ERBB4: variants seen among roughly 807,000 people sequenced by gnomAD.
ERBB4 encodes the protein erb-b2 receptor tyrosine kinase 4.
Under a neutral mutation model 158.0 loss-of-function variants are expected in ERBB4, and 42 were observed. That is an observed-to-expected ratio of 0.27 (90% CI 0.21 to 0.34). The LOEUF is 0.34. Among genes scored for constraint, ERBB4 ranks in the 10% least tolerant of loss-of-function variants. The probability of loss-of-function intolerance (pLI) is 1.00; values close to 1 mark genes in which losing one functional copy is unlikely to be tolerated. For missense variants in ERBB4, 1,333 were observed against 1,624.1 expected, an observed-to-expected ratio of 0.82 and a Z score of 3.08; for synonymous variants, 583 against 558.7, an observed-to-expected ratio of 1.04 and a Z score of -0.61.
intron 17 of ERBB4, among the ~76,000 whole-genome samples, chr2:211,626,519 A>G (rs1223523880): frequency 6.6e-6 from 1 of 152,226 alleles, no homozygotes; most frequent in Non-Finnish European, 1.5e-5. Context: ...GTAGAAAATC[A>G]TATTTTCTTT....
chr2:212,051,947 C>T (rs1248797736), intron 2 of ERBB4, among the ~76,000 whole-genome samples: 1 of 152,040 alleles, frequency 6.6e-6, no homozygotes, highest in East Asian at 1.9e-4. Context: ...TAATTTGTGG[C>T]CTCAGTTTTT....
intron 20 of ERBB4, among the ~76,000 whole-genome samples, chr2:211,515,060 G>A (rs1418453976): frequency 6.6e-6 from 1 of 152,124 alleles, no homozygotes; most frequent in East Asian, 1.9e-4. Context: ...TAGCAGGTTA[G>A]CCTCAACTGA....
At chr2:212,444,694 T>C (rs1574930254) in intron 1 of ERBB4, among the ~76,000 whole-genome samples, 2 of 151,976 alleles carry the variant, frequency 1.3e-5, no homozygotes, top group South Asian at 4.2e-4. Flanking sequence ...GGGATGGAGG[T>C]TATGCATGGG....
rs149158780 is a variant in ERBB4 at position 212,158,055 on chromosome 2, G to T, written c.83-33152C>A. Reference sequence around the variant, plus strand: ...AATAGTGATAATAAAAGTAATATTTGCCGAACACTTACTGAGTCTGGTCCC... The same window carrying T: ...AATAGTGATAATAAAAGTAATATTTTCCGAACACTTACTGAGTCTGGTCCC... On this transcript the variant is annotated intron_variant, in intron 1 of 27. Transcript: ENST00000342788. Among the ~76,000 whole-genome samples the T allele has an allele frequency of 6.3e-3, 959 of 152,122 alleles. 3 individuals carry two copies. Among genetic ancestry groups the T allele is most frequent in the Middle Eastern group, 0.014 (4 of 294 alleles).
At chr2:211,987,267 G>A (rs1035938972) in intron 2 of ERBB4, among the ~76,000 whole-genome samples, 2 of 142,472 alleles carry the variant, frequency 1.4e-5, no homozygotes, top group Non-Finnish European at 3.0e-5. Flanking sequence ...GTTGCAGTGA[G>A]CCGAGATCGT....
intron 1 of ERBB4, among the ~76,000 whole-genome samples, chr2:212,211,497 A>C (rs1348125376): frequency 6.6e-6 from 1 of 152,058 alleles, no homozygotes; most frequent in Non-Finnish European, 1.5e-5. Flanking sequence ...TGTAGTCTAC[A>C]CTTTCTAATA....
intron 4 of ERBB4, among the ~76,000 whole-genome samples, chr2:211,758,146 C>G (rs1053966961): frequency 3.3e-5 from 5 of 152,148 alleles, no homozygotes; most frequent in Admixed American, 3.3e-4. Flanking sequence ...TAACCTAATA[C>G]ATATTATGCC....
chr2:212,031,449 T>C (rs968792492), intron 2 of ERBB4, among the ~76,000 whole-genome samples: 3 of 152,148 alleles, frequency 2.0e-5, no homozygotes, highest in Non-Finnish European at 4.4e-5. Flanking sequence ...GTTATTTGTT[T>C]AATACACTTA....
intron 2 of ERBB4, among the ~76,000 whole-genome samples, chr2:211,997,909 T>TACACA (rs35510591): frequency 0.018 from 2,646 of 150,552 alleles, 31 homozygotes; most frequent in Middle Eastern, 0.048. Flanking sequence ...CACACACACA[T>TACACA]CACACACACA....
chr2:212,092,827 G>T (rs2078820302), intron 2 of ERBB4, among the ~76,000 whole-genome samples: 1 of 152,152 alleles, frequency 6.6e-6, no homozygotes, highest in East Asian at 1.9e-4. Flanking sequence ...GGGGCTAGGG[G>T]AGGGATAGCA....
chr2:212,277,341 A>G (rs536499441), intron 1 of ERBB4, among the ~76,000 whole-genome samples: 3 of 151,868 alleles, frequency 2.0e-5, no homozygotes, highest in African/African-American at 7.2e-5. Flanking sequence ...TAGTTCATTC[A>G]TTTAATATTT....
At position 211,767,669 on chromosome 2, in the gene ERBB4, G is replaced by T. The variant is rs554571288; in HGVS notation, c.557-16965C>A. On this transcript the variant is annotated intron_variant, in intron 4 of 27. Coordinates refer to ENST00000342788, the MANE Select transcript of ERBB4 (RefSeq NM_005235.3). ...GATAAGAATGAGCAGAAGGAGAAAA[G>T]CCCCTTATAAAACCATCAGATCTTG... Among the ~76,000 whole-genome samples, 5 of 152,222 alleles carry T rather than the reference G, an allele frequency of 3.3e-5. No homozygotes were observed. The East Asian group carries it at 9.7e-4, about 29-fold the overall frequency.
chr2:212,487,387 T>C (rs1318865886), intron 1 of ERBB4, among the ~76,000 whole-genome samples: 5 of 152,076 alleles, frequency 3.3e-5, no homozygotes, highest in Non-Finnish European at 7.4e-5. Context: ...AAAATCCTTA[T>C]CAGAATATAA....
intron 3 of ERBB4, among the ~76,000 whole-genome samples, chr2:211,844,430 C>T (rs1299333901): frequency 1.3e-5 from 2 of 152,064 alleles, no homozygotes; most frequent in Non-Finnish European, 2.9e-5. Flanking sequence ...AATGATAAAG[C>T]AATTTGTCAA....
chr2:211,743,155 A>T (rs1245858075), intron 5 of ERBB4, among the ~76,000 whole-genome samples: 1 of 152,144 alleles, frequency 6.6e-6, no homozygotes, highest in Non-Finnish European at 1.5e-5. Flanking sequence ...CTATTGTCAA[A>T]CTCACATTTT....
intron 25 of ERBB4, among the ~76,000 whole-genome samples, chr2:211,402,375 G>A (rs1361756236): frequency 1.3e-5 from 2 of 152,042 alleles, no homozygotes; most frequent in Non-Finnish European, 2.9e-5. Context: ...TAAATGAGAA[G>A]AGAACATTTT....
chr2:211,938,782 T>C (rs1315221716), intron 3 of ERBB4, among the ~76,000 whole-genome samples: 1 of 152,170 alleles, frequency 6.6e-6, no homozygotes, highest in East Asian at 1.9e-4. Flanking sequence ...TAATTTAGAA[T>C]AGCTCATATC....
At chr2:212,376,897 G>A (rs2106401257) in intron 1 of ERBB4, among the ~76,000 whole-genome samples, 2 of 152,076 alleles carry the variant, frequency 1.3e-5, no homozygotes, top group African/African-American at 4.8e-5. Context: ...ATAAGAAGCA[G>A]GCAAACTATT....
chr2:211,908,653 T>G (rs2079461177), intron 3 of ERBB4, among the ~76,000 whole-genome samples: 1 of 151,840 alleles, frequency 6.6e-6, no homozygotes, highest in Admixed American at 6.6e-5. Context: ...AAACCTATTA[T>G]TCTTATTTGA....
Sources: allele counts gnomAD v4.1 joint callset (sites outside exome capture counted in the v4.1 genomes callset), GRCh38; gene constraint gnomAD v4.1.1; transcripts MANE v1.5; gene names NCBI Gene and HGNC (gene_info 2026-07-23, HGNC 2026-07-21).